Variants in RANBP2 observed in about 807,000 individuals in gnomAD.
RANBP2 encodes the protein E3 SUMO-protein ligase RanBP2.
A neutral mutation model predicts 303.6 loss-of-function variants in RANBP2; 57 were observed. The ratio of observed to expected loss-of-function variants is 0.19; its 90% CI spans 0.15 to 0.23. The LOEUF is 0.23. Among genes scored for constraint, RANBP2 ranks in the 10% least tolerant of loss-of-function variants. The pLI is 1.00. For missense variants in RANBP2, 3,138 were observed against 3,780.8 expected, an observed-to-expected ratio of 0.83 and a Z score of 4.46; for synonymous variants, 1,167 against 1,301.5, an observed-to-expected ratio of 0.90 and a Z score of 2.23.
At chr2:109,577,966 G>A in the RANBP2 span, among the ~76,000 whole-genome samples, 2 of 149,900 alleles carry the variant, frequency 1.3e-5, no homozygotes, top group Middle Eastern at 3.2e-3. Context: ...CAGGAGAAGC[G>A]GTTAAATGAA....
chr2:109,592,588 T>C, the RANBP2 span, among the ~76,000 whole-genome samples: 16 of 151,742 alleles, frequency 1.1e-4, no homozygotes, highest in African/African-American at 3.6e-4. Flanking sequence ...AAAACTAGCC[T>C]ACCAACATGG....
chr2:109,574,466 A>AG, the RANBP2 span: 5 of 573,204 alleles, frequency 8.7e-6, no homozygotes. Flanking sequence ...AAAAAAAAAA[A>AG]TTTAAAAAAG....
the RANBP2 span, among the ~76,000 whole-genome samples, chr2:109,459,163 T>C: frequency 1.2e-3 from 185 of 152,206 alleles, no homozygotes; most frequent in Admixed American, 3.3e-3. Flanking sequence ...AATCATATCA[T>C]ATAAAGTCAG....
At chr2:108,859,452 GT>G in the RANBP2 span, among the ~76,000 whole-genome samples, 5 of 151,994 alleles carry the variant, frequency 3.3e-5, no homozygotes, top group African/African-American at 4.8e-5. Flanking sequence ...CTTTTGATGA[GT>G]TTGTCATAAA....
At chr2:109,506,862 G>A in the RANBP2 span, among the ~76,000 whole-genome samples, 4 of 152,178 alleles carry the variant, frequency 2.6e-5, no homozygotes, top group African/African-American at 9.7e-5. Context: ...TTCAAAGATG[G>A]GGAAACCGAG....
chr2:109,606,461 T>C, the RANBP2 span, among the ~76,000 whole-genome samples: 2 of 152,090 alleles, frequency 1.3e-5, no homozygotes, highest in African/African-American at 4.8e-5. Context: ...AGGGAAGTAC[T>C]TGCCATGGTG....
At chr2:109,735,458 C>T in the RANBP2 span, among the ~76,000 whole-genome samples, 1 of 151,696 alleles carries the variant, frequency 6.6e-6, no homozygotes, top group Non-Finnish European at 1.5e-5. Flanking sequence ...CATAGTGTGG[C>T]AATAAACACA....
At chr2:109,003,127 A>G in the RANBP2 span, among the ~76,000 whole-genome samples, 1 of 144,652 alleles carries the variant, frequency 6.9e-6, no homozygotes, top group African/African-American at 2.6e-5. Flanking sequence ...AATCGCTTGA[A>G]CTCGGGAGGT....
the RANBP2 span, among the ~76,000 whole-genome samples, chr2:108,841,654 A>G: frequency 3.9e-5 from 6 of 152,076 alleles, no homozygotes; most frequent in Non-Finnish European, 7.4e-5. Flanking sequence ...TTTTAATTAA[A>G]TAGCATACAG....
the RANBP2 span, among the ~76,000 whole-genome samples, chr2:108,796,616 TACACAATGGAATA>T: frequency 6.6e-6 from 1 of 152,198 alleles, no homozygotes; most frequent in South Asian, 2.1e-4. Flanking sequence ...GTGGTATCTA[TACACAATGGAATA>T]TTATTCAGCC....
chr2:109,351,044 TC>T, the RANBP2 span, among the ~76,000 whole-genome samples: 2 of 152,274 alleles, frequency 1.3e-5, no homozygotes, highest in East Asian at 3.8e-4. Flanking sequence ...AAATCTAGTT[TC>T]TGCTTTATTT....
chr2:109,588,337 G>T, the RANBP2 span, among the ~76,000 whole-genome samples: 1 of 151,816 alleles, frequency 6.6e-6, no homozygotes, highest in Non-Finnish European at 1.5e-5. Context: ...TGTAAGAGAG[G>T]TTTTTTTTAA....
At chr2:109,665,919 C>CT in the RANBP2 span, among the ~76,000 whole-genome samples, 4 of 151,822 alleles carry the variant, frequency 2.6e-5, no homozygotes, top group South Asian at 8.3e-4. Context: ...CAAGACCAGC[C>CT]TGGCCAACAT....
the RANBP2 span, among the ~76,000 whole-genome samples, chr2:109,279,134 T>C: frequency 1.3e-5 from 2 of 152,124 alleles, no homozygotes; most frequent in Admixed American, 1.3e-4. Flanking sequence ...AAACCATCCA[T>C]GGGATATTGA....
chr2:108,783,626 G>A lies in RANBP2; in HGVS notation c.9400G>A (p.Gly3134Ser). Reference protein sequence around the residue: ...GGDITKHDGTGGQSIYGDKFE... With the variant: ...GGDITKHDGTSGQSIYGDKFE... ...AGATATCACCAAACATGATGGAACA[G>A]GCGGACAGTCCATTTATGGAGACAA... The change falls in exon 29 of 29, where the codon GGC becomes AGC. Residue 3134 changes from glycine to serine, a missense_variant. Physicochemically the swap from Gly to Ser is moderately conservative, Grantham distance 56. This residue lies in a region of RANBP2 where 204 missense variants were observed against 228.4 expected (regional missense o/e 0.89). Coordinates refer to ENST00000283195, the MANE Select transcript of RANBP2 (RefSeq NM_006267.5). 1 of 1,612,636 alleles carries A rather than the reference G, an allele frequency of 6.2e-7. No individual in the cohort carries two copies. Among genetic ancestry groups the A allele is most frequent in the Non-Finnish European group, 8.5e-7 (1 of 1,178,916 alleles).
chr2:108,782,889 A>G (rs756619901), intron 28 of RANBP2, 27 bp downstream of exon 28: 9 of 1,575,558 alleles, frequency 5.7e-6, no homozygotes, highest in Non-Finnish European at 7.0e-6. Flanking sequence ...ACATACCACA[A>G]TTGAGGTCTT....
chr2:109,369,396 C>A, the RANBP2 span, among the ~76,000 whole-genome samples: 4 of 152,188 alleles, frequency 2.6e-5, no homozygotes, highest in Non-Finnish European at 5.9e-5. Flanking sequence ...CAACGCTGAG[C>A]GTTGCTGGAG....
At chr2:109,572,366 C>T in the RANBP2 span, among the ~76,000 whole-genome samples, 1 of 152,310 alleles carries the variant, frequency 6.6e-6, no homozygotes, top group African/African-American at 2.4e-5. Flanking sequence ...ATCTCCTGAC[C>T]TTGTGACTTG....
the RANBP2 span, among the ~76,000 whole-genome samples, chr2:109,370,239 C>A: frequency 6.9e-6 from 1 of 145,478 alleles, no homozygotes; most frequent in African/African-American, 2.5e-5. Flanking sequence ...CTCTCTCTCT[C>A]TTTTTCTTTT....
Sources: allele counts gnomAD v4.1 joint callset (sites outside exome capture counted in the v4.1 genomes callset), GRCh38; gene constraint gnomAD v4.1.1; regional missense constraint gnomAD v4.1.1; transcripts MANE v1.5; gene names NCBI Gene and HGNC (gene_info 2026-07-23, HGNC 2026-07-21).